The following LRBA variants were observed in gnomAD, a reference collection of about 807,000 sequenced individuals.
LRBA encodes lipopolysaccharide-responsive and beige-like anchor protein.
In LRBA, 176 loss-of-function variants were observed where a neutral mutation model predicts 330.0. That is an observed-to-expected ratio of 0.53 (90% CI 0.47 to 0.60). The LOEUF (loss-of-function observed/expected upper bound fraction) is 0.60. LRBA is among the 20% of genes least tolerant of loss of function. The pLI, the probability that LRBA is intolerant of heterozygous loss-of-function variation, is 0.00. For synonymous variants in LRBA, 1,230 were observed against 1,193.0 expected, an observed-to-expected ratio of 1.03 and a Z score of -0.64; for missense variants, 3,259 against 3,444.8, an observed-to-expected ratio of 0.95 and a Z score of 1.35.
intron 4 of LRBA, among the ~76,000 whole-genome samples, chr4:150,923,988 T>C (rs182248131): frequency 1.4e-3 from 214 of 152,300 alleles, no homozygotes; most frequent in Non-Finnish European, 2.6e-3. Flanking sequence ...AACAAGTAAC[T>C]ACAATCACAG....
In LRBA at chr4:150,883,917, C is replaced by T. The variant is rs115478872; in HGVS notation, c.2165+9135G>A. Among the ~76,000 whole-genome samples the T allele has an allele frequency of 4.7e-3, 710 of 152,020 alleles. 7 individuals are homozygous for T. Among genetic ancestry groups the T allele is most frequent in the African/African-American group, 0.016 (677 of 41,456 alleles). ...AAGCAAAATAGGGGGAATAATGATGCTAACATGGAAGTCAGCATTTTCCCT... is the reference window on the plus strand; with the variant it reads ...AAGCAAAATAGGGGGAATAATGATGTTAACATGGAAGTCAGCATTTTCCCT... On this transcript the variant is annotated intron_variant, in intron 17 of 56. Coordinates refer to ENST00000651943, the MANE Select transcript of LRBA (RefSeq NM_001364905.1).
At chr4:150,499,547 G>T (rs1759990419) in intron 40 of LRBA, among the ~76,000 whole-genome samples, 1 of 152,140 alleles carries the variant, frequency 6.6e-6, no homozygotes, top group Admixed American at 6.6e-5. Flanking sequence ...GGCTGAGGTG[G>T]GAGGACTGCT....
At chr4:150,797,947 CAA>C (rs1741033929) in intron 34 of LRBA, 132 bp downstream of exon 34, 4 of 581,686 alleles carry the variant, frequency 6.9e-6, no homozygotes, top group Non-Finnish European at 1.2e-5. Flanking sequence ...GCAATACAAA[CAA>C]AATTATTTTA....
At chr4:150,325,937 C>T (rs1158458720) in intron 48 of LRBA, 39 bp from the exon 49 acceptor site, 4 of 1,118,818 alleles carry the variant, frequency 3.6e-6, no homozygotes, top group Non-Finnish European at 2.7e-6. Context: ...TTAAGAGGTG[C>T]TAATTACAGG....
intron 48 of LRBA, among the ~76,000 whole-genome samples, chr4:150,341,694 C>G (rs1054604261): frequency 6.6e-6 from 1 of 151,592 alleles, no homozygotes; most frequent in Non-Finnish European, 1.5e-5. Flanking sequence ...CAGTGACTGT[C>G]ACATTGCCAT....
At chr4:150,295,194 CTTT>C (rs146893381) in intron 53 of LRBA, among the ~76,000 whole-genome samples, 14 of 113,806 alleles carry the variant, frequency 1.2e-4, no homozygotes, top group Admixed American at 2.7e-4. Context: ...ATTAAAATAG[CTTT>C]TTTTTTTTTT....
intron 21 of LRBA, 96 bp downstream of exon 21, chr4:150,868,086 T>G: frequency 7.9e-7 from 1 of 1,265,282 alleles, no homozygotes. Context: ...GAAAAATCAT[T>G]TCACAGTATT....
chr4:150,634,534 T>C (rs2126682835), intron 37 of LRBA, among the ~76,000 whole-genome samples: 1 of 152,358 alleles, frequency 6.6e-6, no homozygotes, highest in South Asian at 2.1e-4. Context: ...TGAATAGGGA[T>C]GAAGAAGGTA....
At chr4:150,781,227 T>A (rs1738181904) in intron 34 of LRBA, among the ~76,000 whole-genome samples, 3 of 152,358 alleles carry the variant, frequency 2.0e-5, no homozygotes, top group Non-Finnish European at 2.9e-5. Flanking sequence ...AAAATAATTA[T>A]ATAATGAACC....
chr4:150,443,874 T>TATATATATA (rs1561185911), intron 44 of LRBA, among the ~76,000 whole-genome samples: 5 of 28,044 alleles, frequency 1.8e-4, no homozygotes, highest in Non-Finnish European at 3.2e-4. Context: ...ATATATATAT[T>TATATATATA]TTTTTTTTTT....
At chr4:150,297,795 T>G (rs1208935632) in intron 53 of LRBA, among the ~76,000 whole-genome samples, 1 of 152,218 alleles carries the variant, frequency 6.6e-6, no homozygotes, top group Non-Finnish European at 1.5e-5. Flanking sequence ...CTGTGGTGCT[T>G]TGTTTCATTA....
At chr4:150,633,625 T>C (rs1314830282) in intron 37 of LRBA, among the ~76,000 whole-genome samples, 1 of 152,246 alleles carries the variant, frequency 6.6e-6, no homozygotes, top group East Asian at 1.9e-4. Context: ...AGCATAACAC[T>C]AATCATGTTC....
intron 40 of LRBA, among the ~76,000 whole-genome samples, chr4:150,524,781 G>A (rs1763286228): frequency 2.0e-5 from 3 of 152,076 alleles, no homozygotes; most frequent in Admixed American, 2.0e-4. Context: ...TAGTCCCACT[G>A]AAATTTAAAA....
intron 37 of LRBA, among the ~76,000 whole-genome samples, chr4:150,675,820 C>A (rs574510761): frequency 1.1e-4 from 16 of 152,214 alleles, no homozygotes; most frequent in African/African-American, 3.8e-4. Context: ...TTATTCACAT[C>A]ACTATTATTA....
chr4:150,968,108 G>A (rs532594701), intron 2 of LRBA, among the ~76,000 whole-genome samples: 4 of 151,090 alleles, frequency 2.6e-5, no homozygotes, highest in South Asian at 2.1e-4. Flanking sequence ...AGGTTCAAGC[G>A]ATTCTCCTGC....
At chr4:150,981,615 G>A (rs1239648313) in intron 2 of LRBA, among the ~76,000 whole-genome samples, 1 of 151,850 alleles carries the variant, frequency 6.6e-6, no homozygotes, top group East Asian at 1.9e-4. Flanking sequence ...AGACAACTCA[G>A]AAACAAATCC....
intron 2 of LRBA, among the ~76,000 whole-genome samples, chr4:150,968,118 C>T: frequency 6.6e-6 from 1 of 151,624 alleles, no homozygotes; most frequent in East Asian, 1.9e-4. Context: ...GATTCTCCTG[C>T]CTCAGCCGCC....
At chr4:150,754,500 C>A in intron 35 of LRBA, among the ~76,000 whole-genome samples, 1 of 109,596 alleles carries the variant, frequency 9.1e-6, no homozygotes, top group African/African-American at 3.5e-5. Context: ...GCCTGGGTGA[C>A]AGAACAAGAC....
chr4:150,845,128 G>A (rs1459809176), intron 26 of LRBA, among the ~76,000 whole-genome samples: 1 of 152,118 alleles, frequency 6.6e-6, no homozygotes, highest in African/African-American at 2.4e-5. Flanking sequence ...GAAAAGGATA[G>A]GGAAGAAAAG....
Sources: gnomAD v4.1 joint callset for allele counts (sites outside exome capture counted in the v4.1 genomes callset) on GRCh38, gnomAD v4.1.1 for gene constraint, MANE v1.5 for transcripts, NCBI Gene and HGNC (gene_info 2026-07-23, HGNC 2026-07-21) for gene names.